TRMT11: variants seen among roughly 807,000 people sequenced by gnomAD.
TRMT11 encodes tRNA methyltransferase 11.
A neutral mutation model predicts 62.8 loss-of-function variants in TRMT11; 53 were observed. The ratio of observed to expected loss-of-function variants is 0.84; its 90% CI spans 0.68 to 1.06. TRMT11 has a LOEUF of 1.06. TRMT11 is among the 50% of genes least tolerant of loss of function. The pLI is 0.00. For synonymous variants in TRMT11, 188 were observed against 190.3 expected, an observed-to-expected ratio of 0.99 and a Z score of 0.10; for missense variants, 556 against 553.4, an observed-to-expected ratio of 1.00 and a Z score of -0.05.
chr6:126,256,643 A>G, the TRMT11 span, among the ~76,000 whole-genome samples: 1 of 152,214 alleles, frequency 6.6e-6, no homozygotes, highest in Admixed American at 6.5e-5. Context: ...GAACTTTTCC[A>G]TTCAAAAAAG....
chr6:126,057,659 A>G (rs918991929), intron 17 of TRMT11, among the ~76,000 whole-genome samples: 3 of 152,254 alleles, frequency 2.0e-5, no homozygotes, highest in African/African-American at 7.2e-5. Context: ...CCATTAAAAT[A>G]GTTAAAATGC....
rs184563793 is a variant in TRMT11 at position 126,103,013 on chromosome 6, G to T, written c.*1438-9853G>T. 1.5e-3 allele frequency among the ~76,000 whole-genome samples: 236 copies of T among 152,268 alleles called. 1 individual carries two copies. The highest frequency in any genetic ancestry group is 5.6e-3 in the African/African-American group (232 of 41,546). ...ATTTCTACAGAGATCAGAGTGTGTT[G>T]TTTTCTATTTCCTGTCTCAAATGTG... On this transcript the variant is annotated intron_variant and NMD_transcript_variant, in intron 17 of 22. Transcript: ENST00000648977.
At chr6:126,131,156 A>C (rs1469216570) in intron 21 of TRMT11, among the ~76,000 whole-genome samples, 1 of 152,128 alleles carries the variant, frequency 6.6e-6, no homozygotes, top group East Asian at 1.9e-4. Context: ...AATCTACCAC[A>C]GAAAGGATAA....
chr6:126,056,609 G>A (rs1158342011), intron 17 of TRMT11, among the ~76,000 whole-genome samples: 1 of 152,108 alleles, frequency 6.6e-6, no homozygotes, highest in African/African-American at 2.4e-5. Context: ...TTTGTAGAGT[G>A]GTTTCCCATC....
At chr6:126,204,317 A>G (rs1242285765), downstream of TRMT11, among the ~76,000 whole-genome samples, 4 of 152,178 alleles carry the variant, frequency 2.6e-5, no homozygotes, top group East Asian at 3.9e-4. Flanking sequence ...TAGGTGTGAG[A>G]GAAGTGGCAA....
downstream of TRMT11, among the ~76,000 whole-genome samples, chr6:126,044,013 A>G (rs1281664497): frequency 6.6e-6 from 1 of 151,282 alleles, no homozygotes; most frequent in Non-Finnish European, 1.5e-5. Context: ...TTGCCTGTTC[A>G]CTCTGATGGT....
chr6:126,037,763 A>G (rs1319502518), intron 12 of TRMT11, among the ~76,000 whole-genome samples: 1 of 152,022 alleles, frequency 6.6e-6, no homozygotes, highest in Non-Finnish European at 1.5e-5. Context: ...TACAGGCAAA[A>G]ATATTTTTGC....
chr6:126,183,398 G>T (rs1778490077), intron 1 of TRMT11, among the ~76,000 whole-genome samples: 1 of 152,100 alleles, frequency 6.6e-6, no homozygotes. Context: ...TTCAGGAGTG[G>T]GCAGAGGTGT....
At chr6:126,011,643 C>A (rs1010306422) in intron 9 of TRMT11, among the ~76,000 whole-genome samples, 58 of 152,184 alleles carry the variant, frequency 3.8e-4, no homozygotes, top group African/African-American at 1.4e-3. Context: ...GGCTTGCCAT[C>A]CCCTGTTATA....
At chr6:126,172,014 T>C (rs1036727250) in intron 21 of TRMT11, among the ~76,000 whole-genome samples, 1 of 152,166 alleles carries the variant, frequency 6.6e-6, no homozygotes, top group Admixed American at 6.5e-5. Flanking sequence ...CCACCACACC[T>C]GGCCTTTAAA....
intron 21 of TRMT11, among the ~76,000 whole-genome samples, chr6:126,155,811 C>G (rs1335689413): frequency 6.6e-6 from 1 of 152,188 alleles, no homozygotes; most frequent in Admixed American, 6.5e-5. Flanking sequence ...AGCTCTGCCT[C>G]CCAGGTTCAC....
At chr6:126,107,009 T>C (rs1001684892) in intron 17 of TRMT11, among the ~76,000 whole-genome samples, 1 of 152,006 alleles carries the variant, frequency 6.6e-6, no homozygotes, top group African/African-American at 2.4e-5. Flanking sequence ...TTTATTTAGT[T>C]AACAACTTTT....
At chr6:126,066,080 G>A (rs188716331) in intron 17 of TRMT11, among the ~76,000 whole-genome samples, 5 of 152,312 alleles carry the variant, frequency 3.3e-5, no homozygotes, top group South Asian at 4.1e-4. Context: ...TTTGTTTGAC[G>A]GTTGGAGGGA....
rs145297863 is a variant in TRMT11, at chr6:126,082,490, T to C, written c.*1437+29300T>C. On this transcript the variant is annotated intron_variant and NMD_transcript_variant, in intron 17 of 22. Coordinates refer to the TRMT11 transcript ENST00000648977. ...ACTTGGTTGCCACCTTGCAGAATCT[T>C]GTCCCAAATCATTATCATGTTTACT... Among the ~76,000 whole-genome samples, 1,053 of 152,300 alleles carry C rather than the reference T, an allele frequency of 6.9e-3. 8 individuals are homozygous for C. Among genetic ancestry groups the C allele is most frequent in the South Asian group, 0.014 (69 of 4,828 alleles).
At chr6:125,995,497 A>T (rs1791360130) in intron 2 of TRMT11, among the ~76,000 whole-genome samples, 1 of 152,140 alleles carries the variant, frequency 6.6e-6, no homozygotes, top group South Asian at 2.1e-4. Context: ...TTAATAATGT[A>T]CCTCATGATT....
At chr6:126,186,416 A>G (rs1380751946) in intron 1 of TRMT11, among the ~76,000 whole-genome samples, 2 of 152,196 alleles carry the variant, frequency 1.3e-5, no homozygotes, top group Admixed American at 6.5e-5. Flanking sequence ...TAGTTTAATT[A>G]AATTCCTAGA....
At chr6:126,166,422 G>T (rs1180605372) in intron 21 of TRMT11, among the ~76,000 whole-genome samples, 1 of 152,084 alleles carries the variant, frequency 6.6e-6, no homozygotes, top group African/African-American at 2.4e-5. Context: ...GTTTGCTGGA[G>T]TTCCACTCCA....
chr6:126,062,574 G>A (rs1394956206), intron 17 of TRMT11, among the ~76,000 whole-genome samples: 2 of 152,172 alleles, frequency 1.3e-5, no homozygotes, highest in African/African-American at 4.8e-5. Context: ...GAACATTCAA[G>A]TGGGTTGAAA....
At chr6:126,081,223 T>G (rs892375342) in intron 17 of TRMT11, among the ~76,000 whole-genome samples, 2 of 152,186 alleles carry the variant, frequency 1.3e-5, no homozygotes, top group African/African-American at 2.4e-5. Context: ...CCCTTGGCAC[T>G]TGGTGTGTAG....
Sources: allele counts gnomAD v4.1 joint callset (sites outside exome capture counted in the v4.1 genomes callset), GRCh38; gene constraint gnomAD v4.1.1; transcripts MANE v1.5; gene names NCBI Gene and HGNC (gene_info 2026-07-23, HGNC 2026-07-21).